Variants in PCNX4 observed in about 807,000 individuals in gnomAD.
The protein encoded by PCNX4 is pecanex 4, also known as pecanex-like protein 4.
A neutral mutation model predicts 107.2 loss-of-function variants in PCNX4; 103 were observed. The observed-to-expected ratio is 0.96, with a 90% CI of 0.82 to 1.13. PCNX4 has a LOEUF of 1.13. Among genes scored for constraint, PCNX4 ranks in the 50% most tolerant of loss-of-function variants. The pLI is 0.00. For synonymous variants in PCNX4, 541 were observed against 481.7 expected (o/e 1.12, Z -1.61); for missense variants, 1,528 against 1,379.4 (o/e 1.11, Z -1.71).
chr14:60,131,235 G>C (rs1896149628), intron 10 of PCNX4, among the ~76,000 whole-genome samples: 1 of 152,106 alleles, frequency 6.6e-6, no homozygotes, highest in Non-Finnish European at 1.5e-5. Flanking sequence ...AATTAGGCAA[G>C]AAAAAGAAAG....
intron 7 of PCNX4, among the ~76,000 whole-genome samples, chr14:60,120,957 T>G (rs1895941426): frequency 6.6e-6 from 1 of 152,214 alleles, no homozygotes; most frequent in East Asian, 1.9e-4. Context: ...TTCTGGAAAA[T>G]CCTTGAGTTT....
chr14:60,114,843 T>G lies in PCNX4; in HGVS notation c.833T>G (p.Phe278Cys). Reference sequence around the variant, plus strand: ...TGGGCAATGGAGCAGGTTTTAGAGTTCGGCCTTGGAGGCTCATCTATGTCA... The same window carrying G: ...TGGGCAATGGAGCAGGTTTTAGAGTGCGGCCTTGGAGGCTCATCTATGTCA... ...LLWAMEQVLE[F>C]GLGGSSMSTH... Residue 278 changes from phenylalanine (F) to cysteine (C), a missense_variant, in exon 3 of 11, where the codon TTC becomes TGC. Physicochemically the swap from Phe to Cys is radical, Grantham distance 205. Coordinates refer to ENST00000406854, the MANE Select transcript of PCNX4 (RefSeq NM_001330177.2). 1 of 1,613,586 alleles carries G rather than the reference T, an allele frequency of 6.2e-7. No individual in the cohort carries two copies. The highest frequency in any genetic ancestry group is 8.5e-7 in the Non-Finnish European group (1 of 1,179,670).
rs1012925811 is a variant in PCNX4, at chr14:60,108,136, G to A, written c.498G>A (p.Leu166=). 17 of 1,612,740 alleles carry A rather than the reference G, an allele frequency of 1.1e-5. No homozygotes were observed. Among genetic ancestry groups the A allele is most frequent in the East Asian group, 2.2e-5 (1 of 44,884 alleles). The change falls in exon 2 of 11, where the codon CTG becomes CTA. Residue 166 remains leucine (L), a synonymous_variant. Transcript: ENST00000406854. ...WYLLPNRITL[L]YGSTGGTALL... is the part of the protein sequence containing the mutation. ...TGCTCCCAAATAGAATAACCTTGCT[G>A]TATGGCAGTACAGGAGGCACTGCTC...
Position 60,114,974 on chromosome 14 carries a change from G to A in PCNX4, c.870G>A (p.Arg290=), listed in dbSNP as rs777007746. 2.5e-6 allele frequency: 4 copies of A among 1,591,202 alleles called. No homozygotes were observed. Among genetic ancestry groups the A allele is most frequent in the East Asian group, 2.2e-5 (1 of 44,574 alleles). The change falls in exon 4 of 11, where the codon CGG becomes CGA. Residue 290 remains arginine (R), a splice_region_variant and synonymous_variant. Coordinates refer to ENST00000406854, the MANE Select transcript of PCNX4 (RefSeq NM_001330177.2). ...TTTTTTCTTTTTTTTTTCTGTACAGGTTATTAGTAATGTTCATCATGTCTG... is the reference window on the plus strand; with the variant it reads ...TTTTTTCTTTTTTTTTTCTGTACAGATTATTAGTAATGTTCATCATGTCTG... The part of the protein sequence containing the change: ...LGGSSMSTHL[R]LLVMFIMSAG...
chr14:60,132,585 AAC>A (rs1336650413), intron 10 of PCNX4, among the ~76,000 whole-genome samples: 3 of 152,200 alleles, frequency 2.0e-5, no homozygotes, highest in African/African-American at 7.2e-5. Context: ...AAGCATGAGA[AAC>A]AAAAGAAAAA....
chr14:60,121,116 T>G, intron 7 of PCNX4, 80 bp from the exon 8 acceptor site: 14 of 1,492,500 alleles, frequency 9.4e-6, no homozygotes, highest in Non-Finnish European at 1.2e-5. Context: ...CTTTTTAGTT[T>G]TGAAGATTCA....
chr14:60,108,156 C>T lies in PCNX4; in HGVS notation c.518C>T (p.Thr173Ile). Residue 173 changes from threonine to isoleucine, a missense_variant, in exon 2 of 11, where the codon ACT becomes ATT. By Grantham distance (89) the Thr-to-Ile change is moderately conservative (BLOSUM62 -1). Transcript: ENST00000406854. ...ITLLYGSTGG[T>I]ALLFFFGWMT... is the part of the protein sequence containing the mutation. Reference sequence around the variant, plus strand: ...TTGCTGTATGGCAGTACAGGAGGCACTGCTCTACTATTCTTCTTTGGATGG... The same window carrying T: ...TTGCTGTATGGCAGTACAGGAGGCATTGCTCTACTATTCTTCTTTGGATGG... The T allele has an allele frequency of 1.2e-6, 2 of 1,612,908 alleles. No homozygotes were observed. Among genetic ancestry groups the T allele is most frequent in the East Asian group, 2.2e-5 (1 of 44,884 alleles).
At chr14:60,114,902 G>T in intron 3 of PCNX4, 23 bp downstream of exon 3, 1 of 1,581,384 alleles carries the variant, frequency 6.3e-7, no homozygotes, top group Non-Finnish European at 8.6e-7. Flanking sequence ...AAATATTGAT[G>T]TTATATGTAA....
In PCNX4 at chr14:60,133,972, A is replaced by T; in HGVS notation, c.3270A>T (p.Gly1090=). The part of the protein sequence containing the change: ...LFSLGYDSNM[G]IYTGRVLSLQ... ...CTCCTACCCTTTTTACTTTAAAGGG[A>T]ATTTACACTGGGAGAGTGCTTAGCC... The change falls in exon 11 of 11, where the codon GGA becomes GGT. Residue 1090 remains glycine, a splice_region_variant and synonymous_variant. Coordinates refer to ENST00000406854, the MANE Select transcript of PCNX4 (RefSeq NM_001330177.2). 1 of 1,611,154 alleles carries T rather than the reference A, an allele frequency of 6.2e-7. No homozygotes were observed. Among genetic ancestry groups the T allele is most frequent in the Non-Finnish European group, 8.5e-7 (1 of 1,178,202 alleles).
At chr14:60,129,593 T>TG (rs1282435613) in intron 10 of PCNX4, among the ~76,000 whole-genome samples, 1 of 152,218 alleles carries the variant, frequency 6.6e-6, no homozygotes, top group Non-Finnish European at 1.5e-5. Flanking sequence ...AATGTATACT[T>TG]GCTCCCTTTT....
At chr14:60,107,532 T>C in intron 1 of PCNX4, 54 bp from the exon 2 acceptor site, 1 of 983,696 alleles carries the variant, frequency 1.0e-6, no homozygotes. Flanking sequence ...TTTTTCCTCA[T>C]AGGTTTTAAA....
intron 1 of PCNX4, among the ~76,000 whole-genome samples, chr14:60,094,216 T>G (rs1215167067): frequency 6.6e-6 from 1 of 152,192 alleles, no homozygotes; most frequent in Non-Finnish European, 1.5e-5. Context: ...TGTGAAAGGG[T>G]ACTGGATACC....
intron 10 of PCNX4, among the ~76,000 whole-genome samples, chr14:60,129,380 C>G (rs1896114135): frequency 6.6e-6 from 1 of 152,036 alleles, no homozygotes; most frequent in Admixed American, 6.6e-5. Flanking sequence ...ATAGCAAGAG[C>G]CCATCTCTAC....
chr14:60,113,600 C>T (rs1464723873), intron 2 of PCNX4, among the ~76,000 whole-genome samples: 1 of 152,084 alleles, frequency 6.6e-6, no homozygotes, highest in Non-Finnish European at 1.5e-5. Flanking sequence ...AACTCCTGAC[C>T]TCAGGTGATC....
At chr14:60,114,900 A>G (rs935030588) in intron 3 of PCNX4, 21 bp downstream of exon 3, 4 of 1,580,794 alleles carry the variant, frequency 2.5e-6, no homozygotes, top group African/African-American at 2.7e-5. Context: ...TTAAATATTG[A>G]TGTTATATGT....
intron 8 of PCNX4, among the ~76,000 whole-genome samples, chr14:60,124,013 G>A (rs1182276177): frequency 6.6e-6 from 1 of 151,952 alleles, no homozygotes; most frequent in Non-Finnish European, 1.5e-5. Context: ...AAAAATAATA[G>A]TAGCATTATT....
chr14:60,110,898 C>G (rs1033843232), intron 2 of PCNX4: 5 of 166,984 alleles, frequency 3.0e-5, no homozygotes, highest in Non-Finnish European at 5.9e-5. Context: ...AGCCCTAACC[C>G]CCAATGTGTT....
At position 60,108,105 on chromosome 14, in the gene PCNX4, G is replaced by T; in HGVS notation, c.467G>T (p.Trp156Leu). The T allele has an allele frequency of 1.2e-6, 2 of 1,612,772 alleles. No individual in the cohort carries two copies. Among genetic ancestry groups the T allele is most frequent in the Non-Finnish European group, 1.7e-6 (2 of 1,179,832 alleles). Residue 156 changes from tryptophan to leucine, a missense_variant, in exon 2 of 11, where the codon TGG (tryptophan) becomes TTG (leucine). Physicochemically the swap from Trp to Leu is moderately conservative, Grantham distance 61 (BLOSUM62 -2). Coordinates refer to ENST00000406854, the MANE Select transcript of PCNX4 (RefSeq NM_001330177.2). ...LAGLACGLGT[W>L]YLLPNRITLL... ...GGATTAGCGTGTGGTCTTGGAACAT[G>T]GTATCTGCTCCCAAATAGAATAACC...
At chr14:60,131,861 T>C (rs1219193353) in intron 10 of PCNX4, among the ~76,000 whole-genome samples, 3 of 152,220 alleles carry the variant, frequency 2.0e-5, no homozygotes, top group African/African-American at 4.8e-5. Context: ...ATCAGTGGAA[T>C]TGAATTGAGG....
Sources: gnomAD v4.1 joint callset for allele counts (sites outside exome capture counted in the v4.1 genomes callset) on GRCh38, gnomAD v4.1.1 for gene constraint, MANE v1.5 for transcripts, NCBI Gene and HGNC (gene_info 2026-07-23, HGNC 2026-07-21) for gene names.